The following ARHGAP32 variants were observed in gnomAD, a reference collection of about 807,000 sequenced individuals.
The protein encoded by ARHGAP32 is rho GTPase-activating protein 32.
Under a neutral mutation model 186.5 loss-of-function variants are expected in ARHGAP32, and 51 were observed. The observed-to-expected ratio is 0.27, with a 90% CI of 0.22 to 0.35. The LOEUF (loss-of-function observed/expected upper bound fraction) is 0.35, where lower values mean the gene tolerates loss of function less well. Among genes scored for constraint, ARHGAP32 ranks in the 10% least tolerant of loss-of-function variants. ARHGAP32 has a pLI of 1.00. For missense variants in ARHGAP32, 2,186 were observed against 2,623.5 expected, an observed-to-expected ratio of 0.83 and a Z score of 3.64; for synonymous variants, 950 against 964.3, an observed-to-expected ratio of 0.99 and a Z score of 0.27.
chr11:129,046,221 A>G (rs1219974986), intron 10 of ARHGAP32, among the ~76,000 whole-genome samples: 3 of 152,238 alleles, frequency 2.0e-5, no homozygotes, highest in African/African-American at 7.2e-5. Context: ...GAAAGCATAC[A>G]GATAGAGTAG....
At chr11:128,986,193 G>A (rs1433191987) in intron 14 of ARHGAP32, 108 bp from the exon 15 acceptor site, 4 of 845,432 alleles carry the variant, frequency 4.7e-6, no homozygotes, top group Non-Finnish European at 7.5e-6. Context: ...GCTCTTGGAT[G>A]TGAAATGGCG....
intron 2 of ARHGAP32, among the ~76,000 whole-genome samples, chr11:129,150,473 T>C (rs1483271410): frequency 2.0e-5 from 3 of 152,098 alleles, no homozygotes; most frequent in Admixed American, 6.6e-5. Context: ...GATAAAAGCA[T>C]CAAATAAGCT....
chr11:129,033,099 T>C lies in ARHGAP32; in HGVS notation c.1045+7829A>G, dbSNP rs181892469. Among the ~76,000 whole-genome samples, 299 of 152,362 alleles carry C rather than the reference T, an allele frequency of 2.0e-3. 1 individual carries two copies. The highest frequency in any genetic ancestry group is 7.0e-3 in the African/African-American group (290 of 41,588). On this transcript the variant is annotated intron_variant, in intron 11 of 22. Coordinates refer to ENST00000682385, the MANE Select transcript of ARHGAP32 (RefSeq NM_001378024.1). ...TTTTTTGTGAGATTCAATCATGTTG[T>C]TGCAAACAGTTTTAACTCATTCATT...
chr11:129,134,968 T>C (rs775965285), intron 2 of ARHGAP32, among the ~76,000 whole-genome samples: 4 of 152,196 alleles, frequency 2.6e-5, no homozygotes, highest in Non-Finnish European at 5.9e-5. Flanking sequence ...TTACCAAGTC[T>C]AAGGTATTCT....
intron 14 of ARHGAP32, 60 bp from the exon 15 acceptor site, chr11:128,986,145 C>T (rs1945866795): frequency 1.5e-6 from 2 of 1,317,818 alleles, no homozygotes; most frequent in East Asian, 4.9e-5. Flanking sequence ...TGAAAGTTCA[C>T]TTACAATTCA....
chr11:129,086,548 ATG>A (rs879942950), intron 6 of ARHGAP32, among the ~76,000 whole-genome samples: 8 of 64,866 alleles, frequency 1.2e-4, no homozygotes, highest in South Asian at 7.5e-4. Flanking sequence ...ATGGCCGGGC[ATG>A]GTGGCTCACG....
intron 11 of ARHGAP32, among the ~76,000 whole-genome samples, chr11:129,022,813 C>G (rs1938653040): frequency 6.6e-6 from 1 of 152,136 alleles, no homozygotes; most frequent in African/African-American, 2.4e-5. Flanking sequence ...GCATCACTTT[C>G]TAGTCCTTCC....
intron 19 of ARHGAP32, among the ~76,000 whole-genome samples, chr11:128,977,758 C>T (rs1309249825): frequency 1.3e-5 from 2 of 152,046 alleles, no homozygotes; most frequent in Non-Finnish European, 2.9e-5. Context: ...CTCACTGCAG[C>T]CTCAACCTCC....
At position 128,977,305 on chromosome 11, in the gene ARHGAP32, G is replaced by A. The variant is rs116997705; in HGVS notation, c.2123-671C>T. On this transcript the variant is annotated intron_variant, in intron 19 of 22. Coordinates refer to ENST00000682385, the MANE Select transcript of ARHGAP32 (RefSeq NM_001378024.1). ...TTACGTACATATGTGAATCTTATTC[G>A]CTAAATATCTTCATCCTCTTTAACC... 2.3e-3 allele frequency among the ~76,000 whole-genome samples: 351 copies of A among 152,260 alleles called. 1 individual carries two copies. Among genetic ancestry groups the A allele is most frequent in the Non-Finnish European group, 3.7e-3 (251 of 68,030 alleles).
At chr11:129,176,976 C>CA (rs1316455322) in intron 1 of ARHGAP32, among the ~76,000 whole-genome samples, 1 of 150,636 alleles carries the variant, frequency 6.6e-6, no homozygotes, top group African/African-American at 2.4e-5. Flanking sequence ...AAAAACCCTT[C>CA]AAAAAATTAA....
chr11:129,231,424 A>T (rs2135637053), intron 1 of ARHGAP32, among the ~76,000 whole-genome samples: 1 of 152,326 alleles, frequency 6.6e-6, no homozygotes, highest in African/African-American at 2.4e-5. Context: ...AAATGTAAGT[A>T]TGATGTGTGA....
intron 2 of ARHGAP32, among the ~76,000 whole-genome samples, chr11:129,155,392 T>C (rs574479388): frequency 4.6e-5 from 7 of 152,332 alleles, no homozygotes; most frequent in Non-Finnish European, 8.8e-5. Context: ...TGTTATCAAA[T>C]TAGATCACAA....
intron 1 of ARHGAP32, among the ~76,000 whole-genome samples, chr11:129,235,035 G>A (rs893567028): frequency 3.3e-5 from 5 of 152,152 alleles, no homozygotes; most frequent in Admixed American, 6.5e-5. Context: ...ATCTTGAGAT[G>A]AACTCATCTT....
intron 11 of ARHGAP32, among the ~76,000 whole-genome samples, chr11:129,014,202 G>T (rs1336252764): frequency 1.3e-5 from 2 of 151,972 alleles, no homozygotes; most frequent in African/African-American, 4.8e-5. Context: ...AACCCTACCA[G>T]GCCAGTCTTT....
intron 2 of ARHGAP32, among the ~76,000 whole-genome samples, chr11:129,155,372 T>C (rs536874175): frequency 3.9e-5 from 6 of 152,338 alleles, no homozygotes; most frequent in African/African-American, 1.4e-4. Context: ...CAGGTGAATA[T>C]CTATTATTTT....
At position 129,038,056 on chromosome 11, in the gene ARHGAP32, G is replaced by A. The variant is rs559867196; in HGVS notation, c.1045+2872C>T. Among the ~76,000 whole-genome samples the A allele has an allele frequency of 7.3e-5, 11 of 151,722 alleles. No homozygotes were observed. In the South Asian group the frequency reaches 1.3e-3, roughly 17 times the overall value. ...GCGGAGGTTGCAGTGAGCCGAGATC[G>A]CACCACTGCACTCCAACCTGGGTGA... On this transcript the variant is annotated intron_variant, in intron 11 of 22. Coordinates refer to ENST00000682385, the MANE Select transcript of ARHGAP32 (RefSeq NM_001378024.1).
chr11:129,082,690 CAA>C (rs879391057), intron 6 of ARHGAP32, among the ~76,000 whole-genome samples: 3 of 152,020 alleles, frequency 2.0e-5, no homozygotes, highest in Admixed American at 1.3e-4. Context: ...CTGGCTTAGG[CAA>C]AGACTTCATA....
intron 2 of ARHGAP32, among the ~76,000 whole-genome samples, chr11:129,131,835 T>C (rs1163373319): frequency 6.6e-6 from 1 of 152,168 alleles, no homozygotes; most frequent in African/African-American, 2.4e-5. Context: ...ATAAAGTCTG[T>C]GGGGATAACC....
At chr11:129,136,467 A>C in intron 2 of ARHGAP32, among the ~76,000 whole-genome samples, 1 of 152,160 alleles carries the variant, frequency 6.6e-6, no homozygotes, top group East Asian at 1.9e-4. Flanking sequence ...CTGTAAGATA[A>C]GGTTTGTGAC....
Sources: allele counts gnomAD v4.1 joint callset (sites outside exome capture counted in the v4.1 genomes callset), GRCh38; gene constraint gnomAD v4.1.1; transcripts MANE v1.5; gene names NCBI Gene and HGNC (gene_info 2026-07-23, HGNC 2026-07-21).